The following SNED1 variants were observed in gnomAD, a reference collection of about 807,000 sequenced individuals.
SNED1 encodes the protein sushi, nidogen and EGF-like domain-containing protein 1.
A neutral mutation model predicts 166.7 loss-of-function variants in SNED1; 81 were observed. That is an observed-to-expected ratio of 0.49 (90% CI 0.41 to 0.58). The LOEUF (loss-of-function observed/expected upper bound fraction) is 0.58, where lower values mean the gene tolerates loss of function less well. Among genes scored for constraint, SNED1 ranks in the 20% least tolerant of loss-of-function variants. The probability of loss-of-function intolerance (pLI) is 0.00; values close to 1 mark genes in which losing one functional copy is unlikely to be tolerated. For missense variants in SNED1, 1,604 were observed against 2,000.2 expected (o/e 0.80, Z 3.78); for synonymous variants, 762 against 822.0 (o/e 0.93, Z 1.25).
rs373404861 is a variant in SNED1 at position 241,069,286 on chromosome 2, C to T, written c.3307+263C>T. 2.0e-5 allele frequency among the ~76,000 whole-genome samples: 3 copies of T among 152,280 alleles called. No homozygotes were observed. The highest frequency in any genetic ancestry group is 2.1e-4 in the South Asian group (1 of 4,822). On this transcript the variant is annotated intron_variant, in intron 23 of 31. Transcript: ENST00000310397. This position sits in a 1 kb window ranked among gnomAD's most constrained non-coding sequence, Gnocchi z 4.9. ...TCAGCATGGAGTTCCTACTGGACAC[C>T]GACCAGAGGGCCAGAGGACCTCACT...
chr2:241,067,923 G>A lies in SNED1; in HGVS notation c.3170G>A (p.Arg1057Lys), dbSNP rs2062530481. 2 of 1,613,078 alleles carry A rather than the reference G, an allele frequency of 1.2e-6. No individual in the cohort carries two copies. Among genetic ancestry groups the A allele is most frequent in the Non-Finnish European group, 1.7e-6 (2 of 1,179,546 alleles). ...ALRDQATDVD[R>K]SVDRFTFRAL... Reference sequence around the variant, plus strand: ...AGGGACCAGGCCACCGATGTGGACAGGAGTGTGGACAGGTTCACCTTTAGG... The same window carrying A: ...AGGGACCAGGCCACCGATGTGGACAAGAGTGTGGACAGGTTCACCTTTAGG... Residue 1057 changes from arginine (R) to lysine (K), a missense_variant, in exon 22 of 32, where the codon AGG (arginine) becomes AAG (lysine). By Grantham distance (26) the Arg-to-Lys change is conservative (BLOSUM62 2). This residue lies in a region of SNED1 where 1,237 missense variants were observed against 1,620.8 expected (regional missense o/e 0.76). Transcript: ENST00000310397.
intron 1 of SNED1, among the ~76,000 whole-genome samples, chr2:241,011,444 G>A (rs1049258210): frequency 1.3e-5 from 2 of 152,190 alleles, no homozygotes; most frequent in Non-Finnish European, 2.9e-5. Flanking sequence ...AGGTGCCAGC[G>A]CTGGGCAGCC....
intron 16 of SNED1, among the ~76,000 whole-genome samples, chr2:241,059,896 C>G (rs1226350273): frequency 1.3e-5 from 2 of 151,840 alleles, no homozygotes; most frequent in Admixed American, 6.6e-5. Context: ...TCCTGGAGGC[C>G]CTAGACAGTG....
chr2:241,083,850 T>C (rs1381280960), intron 29 of SNED1, among the ~76,000 whole-genome samples: 3 of 152,126 alleles, frequency 2.0e-5, no homozygotes, highest in African/African-American at 4.8e-5. Context: ...ATTTAGACCA[T>C]TTACTACCTT....
chr2:241,017,824 G>C (rs1389138360), intron 1 of SNED1, among the ~76,000 whole-genome samples: 1 of 152,228 alleles, frequency 6.6e-6, no homozygotes, highest in Non-Finnish European at 1.5e-5. Flanking sequence ...TCTAATTTGA[G>C]AGAGCCAGGA....
intron 3 of SNED1, 143 bp from the exon 4 acceptor site, chr2:241,034,425 G>C (rs2061281701): frequency 3.9e-6 from 3 of 763,428 alleles, no homozygotes; most frequent in Non-Finnish European, 6.2e-6. Flanking sequence ...CCCTCTCCTT[G>C]GCTCCCAGGA....
In SNED1 at chr2:241,064,828, C is replaced by T; in HGVS notation, c.2600-16C>T. 1.3e-6 allele frequency: 2 copies of T among 1,565,324 alleles called. No homozygotes were observed. Among genetic ancestry groups the T allele is most frequent in the Non-Finnish European group, 1.7e-6 (2 of 1,160,244 alleles). On this transcript the variant is annotated splice_polypyrimidine_tract_variant and intron_variant, in intron 19 of 31. Transcript: ENST00000310397. The surrounding 1 kb of genome is among the most constrained non-coding windows in gnomAD (Gnocchi z 7.0). ...GGCCACGCCCCAACATACACTGCCA[C>T]TTTTTCTCCCCTCAGTGAGTGACCC...
chr2:241,068,970 G>T lies in SNED1; in HGVS notation c.3254G>T (p.Gly1085Val), dbSNP rs1559292028. The change falls in exon 23 of 32, where the codon GGA (glycine) becomes GTA (valine). Residue 1085 changes from glycine (G) to valine (V), a missense_variant. Physicochemically the swap from Gly to Val is moderately radical, Grantham distance 109. This residue lies in a region of SNED1 where 1,237 missense variants were observed against 1,620.8 expected (regional missense o/e 0.76). Coordinates refer to ENST00000310397, the MANE Select transcript of SNED1 (RefSeq NM_001080437.3). The surrounding 1 kb of genome is among the most constrained non-coding windows in gnomAD (Gnocchi z 5.3). ...IQLTTLSGLR[G>V]EEHPTESLAT... ...CTGACCACCCTCAGTGGGCTCAGGGGAGAGGAGCACCCCACAGAGAGCCTG... is the reference window on the plus strand; with the variant it reads ...CTGACCACCCTCAGTGGGCTCAGGGTAGAGGAGCACCCCACAGAGAGCCTG... 6.4e-7 allele frequency: 1 copy of T among 1,557,198 alleles called. No individual in the cohort carries two copies. Among genetic ancestry groups the T allele is most frequent in the Non-Finnish European group, 8.7e-7 (1 of 1,150,784 alleles).
chr2:241,088,867 C>T (rs10933529), intron 31 of SNED1: 59,677 of 199,566 alleles, frequency 0.3, 13,615 homozygotes, highest in African/African-American at 0.67. Context: ...ATCTTGTGAA[C>T]GGCATTCTGT....
Position 241,068,944 on chromosome 2 carries a change from G to T in SNED1, c.3228G>T (p.Gln1076His). ...TGCCTGGGAAGAGGTACACCATCCA[G>T]CTGACCACCCTCAGTGGGCTCAGGG... ...ALLPGKRYTI[Q>H]LTTLSGLRGE... The change falls in exon 23 of 32, where the codon CAG becomes CAT. Residue 1076 changes from glutamine (Q) to histidine (H), a missense_variant. Transcript: ENST00000310397. The surrounding 1 kb of genome is among the most constrained non-coding windows in gnomAD (Gnocchi z 5.3). 6.4e-7 allele frequency: 1 copy of T among 1,555,408 alleles called. No homozygotes were observed.
At position 241,069,991 on chromosome 2, in the gene SNED1, C is replaced by T; in HGVS notation, c.3379C>T (p.Pro1127Ser). Residue 1127 changes from proline (P) to serine (S), a missense_variant, in exon 24 of 32, where the codon CCG (proline) becomes TCG (serine). Coordinates refer to ENST00000310397, the MANE Select transcript of SNED1 (RefSeq NM_001080437.3). The surrounding 1 kb of genome is among the most constrained non-coding windows in gnomAD (Gnocchi z 4.9). ...ATSAHVVWDAPTPGSLLEAYV... is the reference protein window; with the variant it reads ...ATSAHVVWDASTPGSLLEAYV... ...CTCTGCCCACGTGGTCTGGGATGCC[C>T]CGACTCCAGGCAGCTTGCTGGAGGC... 1 of 1,612,988 alleles carries T rather than the reference C, an allele frequency of 6.2e-7. No individual in the cohort carries two copies. The highest frequency in any genetic ancestry group is 1.1e-5 in the South Asian group (1 of 91,086).
Position 241,040,153 on chromosome 2 carries a change from G to C in SNED1, c.1124G>C (p.Cys375Ser), listed in dbSNP as rs2061484942. The stretch of plus-strand genomic sequence containing the variant: ...GAGAATGGCTCTGCGGTGTGTGTGT[G>C]CCAGGCCGGATACACCGGAGCAGCC... ...QVENGSAVCVCQAGYTGAACE... is the reference protein window; with the variant it reads ...QVENGSAVCVSQAGYTGAACE... Residue 375 changes from cysteine (C) to serine (S), a missense_variant, in exon 7 of 32, where the codon TGC (cysteine) becomes TCC (serine). Cys to Ser is a moderately radical substitution (Grantham distance 112). Coordinates refer to ENST00000310397, the MANE Select transcript of SNED1 (RefSeq NM_001080437.3). The C allele has an allele frequency of 6.2e-7, 1 of 1,601,852 alleles. No individual in the cohort carries two copies. Among genetic ancestry groups the C allele is most frequent in the Non-Finnish European group, 8.5e-7 (1 of 1,174,408 alleles).
chr2:241,030,699 C>A, intron 2 of SNED1, 128 bp downstream of exon 2: 2 of 1,024,360 alleles, frequency 2.0e-6, no homozygotes, highest in Non-Finnish European at 2.8e-6. Context: ...GAGGGGAACA[C>A]GTGGTCAAAA....
At position 241,064,026 on chromosome 2, in the gene SNED1, G is replaced by A. The variant is rs547334507; in HGVS notation, c.2500G>A (p.Asp834Asn). 55 of 1,554,978 alleles carry A rather than the reference G, an allele frequency of 3.5e-5. No homozygotes were observed. The highest frequency in any genetic ancestry group is 1.5e-4 in the East Asian group (6 of 41,148). The change falls in exon 19 of 32, where the codon GAC becomes AAC. Residue 834 changes from aspartate (D) to asparagine (N), a missense_variant. Asp to Asn is a conservative substitution (Grantham distance 23). Coordinates refer to ENST00000310397, the MANE Select transcript of SNED1 (RefSeq NM_001080437.3). The surrounding 1 kb of genome is among the most constrained non-coding windows in gnomAD (Gnocchi z 7.0). ...VHCETEVDAC[D>N]SSPCQHGGRC... ...GTGTTCTCCAGAGGTGGACGCCTGC[G>A]ACTCCAGCCCCTGCCAGCATGGAGG...
At position 241,052,696 on chromosome 2, in the gene SNED1, G is replaced by C. The variant is rs930446032; in HGVS notation, c.2083+228G>C. Among the ~76,000 whole-genome samples, 71 of 67,280 alleles carry C rather than the reference G, an allele frequency of 1.1e-3. 11 individuals carry two copies. The highest frequency in any genetic ancestry group is 1.7e-3 in the Non-Finnish European group (59 of 34,386). The allele number at this position is 67,280 out of a possible 152,430, so 44.1% of individuals were successfully genotyped here. A position where few individuals can be genotyped will look rare whatever the true frequency, so the allele number is the denominator to read the frequency against. ...AGGCAGGTGAGAGGGTCGGCGGGGG[G>C]GGGGGGGGTCAAGCAGGGTACATGG... On this transcript the variant is annotated intron_variant, in intron 15 of 31. Transcript: ENST00000310397.
At chr2:241,036,012 G>T (rs1231092812) in intron 4 of SNED1, among the ~76,000 whole-genome samples, 1 of 108,674 alleles carries the variant, frequency 9.2e-6, no homozygotes, top group Non-Finnish European at 1.9e-5. Flanking sequence ...GGAGGGGAGT[G>T]GGGGGTGGAG....
chr2:241,069,786 C>A lies in SNED1; in HGVS notation c.3308-134C>A. On this transcript the variant is annotated intron_variant, in intron 23 of 31. Coordinates refer to ENST00000310397, the MANE Select transcript of SNED1 (RefSeq NM_001080437.3). The surrounding 1 kb of genome is among the most constrained non-coding windows in gnomAD (Gnocchi z 4.9). Reference sequence around the variant, plus strand: ...TGCCAGCCCACACCCCGCCTCGGCACTGTACCATTCTCCATAATAAAGAAT... The same window carrying A: ...TGCCAGCCCACACCCCGCCTCGGCAATGTACCATTCTCCATAATAAAGAAT... 1 of 1,042,848 alleles carries A rather than the reference C, an allele frequency of 9.6e-7. No homozygotes were observed. Among genetic ancestry groups the A allele is most frequent in the Non-Finnish European group, 1.4e-6 (1 of 724,334 alleles). 64.6% of individuals were successfully genotyped at this position (1,042,848 alleles called of 1,614,324 possible). A position where few individuals can be genotyped will look rare whatever the true frequency, so the allele number is the denominator to read the frequency against.
rs150555215 is a variant in SNED1, at chr2:241,070,744, G to A, written c.3589+543G>A. Among the ~76,000 whole-genome samples the A allele has an allele frequency of 9.8e-3, 1,494 of 152,334 alleles. 11 individuals are homozygous for A. Among genetic ancestry groups the A allele is most frequent in the Non-Finnish European group, 0.015 (1,009 of 68,036 alleles). On this transcript the variant is annotated intron_variant, in intron 24 of 31. Coordinates refer to ENST00000310397, the MANE Select transcript of SNED1 (RefSeq NM_001080437.3). ...GGGTGGCCCTTCCAGGCTCCACCAG[G>A]GTCCCGAACGCCCCACTTAGGTCTT...
rs2064257809 is a variant in SNED1, at chr2:241,094,496, C to G, written c.*2860C>G. Reference sequence around the variant, plus strand: ...CCCCACAATTGCATGCAGCTCACACCTACCAGGGGTATTCCAGTGCATAGG... The same window carrying G: ...CCCCACAATTGCATGCAGCTCACACGTACCAGGGGTATTCCAGTGCATAGG... On this transcript the variant is annotated 3_prime_UTR_variant, in exon 32 of 32. Transcript: ENST00000310397. The surrounding 1 kb of genome is among the most constrained non-coding windows in gnomAD (Gnocchi z 4.3). The G allele has an allele frequency of 2.2e-6, 1 of 447,466 alleles. No individual in the cohort carries two copies. The highest frequency in any genetic ancestry group is 2.5e-5 in the Admixed American group (1 of 39,960). 27.7% of individuals were successfully genotyped at this position (447,466 alleles called of 1,614,324 possible).
Sources: allele counts gnomAD v4.1 joint callset (sites outside exome capture counted in the v4.1 genomes callset), GRCh38; gene constraint gnomAD v4.1.1; regional missense constraint gnomAD v4.1.1; non-coding constraint Gnocchi (gnomAD v3.1); transcripts MANE v1.5; gene names NCBI Gene and HGNC (gene_info 2026-07-23, HGNC 2026-07-21).